TNIK: variants seen among roughly 807,000 people sequenced by gnomAD.
TNIK encodes the protein TRAF2 and NCK interacting kinase.
A neutral mutation model predicts 191.3 loss-of-function variants in TNIK; 49 were observed. That is an observed-to-expected ratio of 0.26 (90% confidence interval 0.20 to 0.32). The LOEUF is 0.32. Ranked by LOEUF, TNIK falls within the 10% of genes least tolerant of loss-of-function variation. TNIK has a pLI of 1.00. For missense variants in TNIK, 1,155 were observed against 1,702.3 expected (o/e 0.68, Z 5.66); for synonymous variants, 594 against 600.9 (o/e 0.99, Z 0.17).
chr3:171,183,256 G>C lies in TNIK; in HGVS notation c.639+5446C>G, dbSNP rs1736887829. ...TTCTCTATTGCTCCCTGCTGGCAGA[G>C]CCTGATAAGAAGTCAGATGGACAAA... On this transcript the variant is annotated intron_variant, in intron 7 of 32. Coordinates refer to ENST00000436636, the MANE Select transcript of TNIK (RefSeq NM_015028.4). 1.3e-5 allele frequency among the ~76,000 whole-genome samples: 2 copies of C among 152,222 alleles called. 1 individual carries two copies. The highest frequency in any genetic ancestry group is 4.1e-4 in the South Asian group (2 of 4,826).
chr3:171,106,229 T>C (rs137999727), intron 21 of TNIK, among the ~76,000 whole-genome samples: 9 of 152,324 alleles, frequency 5.9e-5, no homozygotes, highest in African/African-American at 2.2e-4. Flanking sequence ...ATGTTACACA[T>C]AAAATGCTTT....
chr3:171,244,663 C>T (rs1013655346), intron 2 of TNIK, among the ~76,000 whole-genome samples: 3 of 151,700 alleles, frequency 2.0e-5, no homozygotes, highest in Non-Finnish European at 4.4e-5. Flanking sequence ...TTTTTGAACT[C>T]GAAATTTAAT....
In TNIK at chr3:171,335,419, C is replaced by G. The variant is rs996716845; in HGVS notation, c.123+34201G>C. Reference sequence around the variant, plus strand: ...TAATCCTAAAAAGTTCTCTCATGCCCCTTTGTAGTCACATCACCTCCCCAT... The same window carrying G: ...TAATCCTAAAAAGTTCTCTCATGCCGCTTTGTAGTCACATCACCTCCCCAT... On this transcript the variant is annotated intron_variant, in intron 2 of 32. Transcript: ENST00000436636. 2.0e-5 allele frequency among the ~76,000 whole-genome samples: 3 copies of G among 152,238 alleles called. No individual in the cohort carries two copies. The East Asian group carries it at 5.8e-4, about 29-fold the overall frequency.
chr3:171,166,131 G>A (rs1245021892), intron 10 of TNIK, among the ~76,000 whole-genome samples: 2 of 152,200 alleles, frequency 1.3e-5, no homozygotes, highest in African/African-American at 4.8e-5. Context: ...CAATGTAGTA[G>A]AAATTAGTGG....
chr3:171,311,139 G>C (rs7646361), intron 2 of TNIK, among the ~76,000 whole-genome samples: 55,262 of 151,948 alleles, frequency 0.36, 10,620 homozygotes, highest in Non-Finnish European at 0.42. Context: ...ATAGCAGAGA[G>C]AGAGAGAGAA....
intron 1 of TNIK, among the ~76,000 whole-genome samples, chr3:171,402,370 T>C (rs13100463): frequency 0.45 from 68,100 of 151,986 alleles, 15,818 homozygotes; most frequent in Non-Finnish European, 0.49. Context: ...TAAAGAGAAG[T>C]AAAGGGTAAG....
chr3:171,078,483 CTTT>C (rs138211654), intron 28 of TNIK, among the ~76,000 whole-genome samples: 4 of 150,712 alleles, frequency 2.7e-5, no homozygotes, highest in African/African-American at 9.7e-5. Context: ...TTTGTTCTAC[CTTT>C]TTTTTTAACA....
At chr3:171,309,646 G>C (rs975475235) in intron 2 of TNIK, among the ~76,000 whole-genome samples, 1 of 152,034 alleles carries the variant, frequency 6.6e-6, no homozygotes, top group Non-Finnish European at 1.5e-5. Flanking sequence ...ATAAACAAAA[G>C]CTTCTTGAAG....
chr3:171,078,816 T>C (rs1166519329), intron 28 of TNIK, among the ~76,000 whole-genome samples: 1 of 152,150 alleles, frequency 6.6e-6, no homozygotes, highest in East Asian at 1.9e-4. Context: ...TCCCAGGGAG[T>C]ATAGGCATGG....
chr3:171,221,032 T>A (rs1015396895), intron 3 of TNIK, among the ~76,000 whole-genome samples: 1 of 152,154 alleles, frequency 6.6e-6, no homozygotes, highest in South Asian at 2.1e-4. Context: ...GATGCTAAAG[T>A]GTGCATGGAG....
At chr3:171,066,443 A>G (rs1364572555) in intron 31 of TNIK, 117 bp from the exon 32 acceptor site, 2 of 1,557,432 alleles carry the variant, frequency 1.3e-6, no homozygotes, top group Non-Finnish European at 1.7e-6. Flanking sequence ...TGGACAAAGC[A>G]AGTCTTACAA....
chr3:171,450,838 C>T (rs1728086313), intron 1 of TNIK, among the ~76,000 whole-genome samples: 1 of 152,226 alleles, frequency 6.6e-6, no homozygotes, highest in African/African-American at 2.4e-5. Flanking sequence ...CAGTTCAAAG[C>T]ACCAGGAATG....
chr3:171,460,203 A>C lies in TNIK; in HGVS notation c.-140T>G. The stretch of plus-strand genomic sequence containing the variant: ...GGGCCCAGCCTCCCCCGCCCACCCC[A>C]GCCCCACAGCGCCGGATCCCGATCC... On this transcript the variant is annotated 5_prime_UTR_variant, in exon 1 of 33. Transcript: ENST00000436636. This position sits in a 1 kb window ranked among gnomAD's most constrained non-coding sequence, Gnocchi z 6.8. 1 of 1,057,934 alleles carries C rather than the reference A, an allele frequency of 9.5e-7. No individual in the cohort carries two copies. Among genetic ancestry groups the C allele is most frequent in the South Asian group, 1.5e-5 (1 of 67,664 alleles). 65.5% of individuals were successfully genotyped at this position (1,057,934 alleles called of 1,614,324 possible).
At chr3:171,109,926 T>C (rs1725588177) in intron 19 of TNIK, among the ~76,000 whole-genome samples, 1 of 151,826 alleles carries the variant, frequency 6.6e-6, no homozygotes, top group Admixed American at 6.6e-5. Flanking sequence ...TTTTTTTTGA[T>C]GGAGTTTCAT....
intron 2 of TNIK, among the ~76,000 whole-genome samples, chr3:171,242,430 C>G (rs1577225815): frequency 6.6e-6 from 1 of 152,248 alleles, no homozygotes; most frequent in East Asian, 1.9e-4. Context: ...CTAATTTCAA[C>G]CTAGTTGCCA....
chr3:171,426,298 C>A (rs1000397242), intron 1 of TNIK, among the ~76,000 whole-genome samples: 2 of 151,240 alleles, frequency 1.3e-5, no homozygotes, highest in East Asian at 3.9e-4. Context: ...AGCAAACTAT[C>A]GCAAGGACAA....
chr3:171,096,162 AG>A (rs752182661), intron 22 of TNIK, among the ~76,000 whole-genome samples: 2 of 152,156 alleles, frequency 1.3e-5, no homozygotes, highest in Non-Finnish European at 2.9e-5. Context: ...TGCTATTGTC[AG>A]GGGCTCAGTT....
At chr3:171,143,484 G>A (rs1731127794) in intron 12 of TNIK, among the ~76,000 whole-genome samples, 1 of 152,208 alleles carries the variant, frequency 6.6e-6, no homozygotes, top group Non-Finnish European at 1.5e-5. Context: ...CCTGGCAGGT[G>A]CACCTAAGAG....
chr3:171,240,472 T>G (rs961085968), intron 2 of TNIK, among the ~76,000 whole-genome samples: 15 of 152,138 alleles, frequency 9.9e-5, no homozygotes, highest in Non-Finnish European at 1.5e-5. Context: ...TAGATACACT[T>G]GGTAGAGTGG....
Sources: allele counts gnomAD v4.1 joint callset (sites outside exome capture counted in the v4.1 genomes callset), GRCh38; gene constraint gnomAD v4.1.1; non-coding constraint Gnocchi (gnomAD v3.1); transcripts MANE v1.5; gene names NCBI Gene and HGNC (gene_info 2026-07-23, HGNC 2026-07-21).